The following VGLL4 variants were observed in gnomAD, a reference collection of about 807,000 sequenced individuals.
VGLL4 encodes the protein transcription cofactor vestigial-like protein 4.
A neutral mutation model predicts 21.0 loss-of-function variants in VGLL4; 7 were observed. The ratio of observed to expected loss-of-function variants is 0.33; its 90% CI spans 0.19 to 0.63. VGLL4 has a LOEUF of 0.63. VGLL4 is among the 20% of genes least tolerant of loss of function. VGLL4 has a pLI of 0.78. For missense variants in VGLL4, 394 were observed against 425.7 expected (o/e 0.93, Z 0.66); for synonymous variants, 222 against 173.2 (o/e 1.28, Z -2.21).
intron 1 of VGLL4, chr3:11,610,532 T>A (rs755591898): frequency 6.6e-6 from 1 of 152,128 alleles, no homozygotes. Flanking sequence ...CAGGCTCAGC[T>A]CTAATCGTGC....
chr3:11,656,482 G>A (rs2075960533), intron 2 of VGLL4, among the ~76,000 whole-genome samples: 1 of 152,210 alleles, frequency 6.6e-6, no homozygotes, highest in African/African-American at 2.4e-5. Context: ...GAGCACCTGA[G>A]CTGGGGATCT....
intron 2 of VGLL4, among the ~76,000 whole-genome samples, chr3:11,584,506 A>G (rs2074316451): frequency 6.6e-6 from 1 of 152,160 alleles, no homozygotes; most frequent in Non-Finnish European, 1.5e-5. Flanking sequence ...ATATAGAGTG[A>G]AGCTGGCAGA....
rs781468006 is a variant in VGLL4 at position 11,601,909 on chromosome 3, T to C, written c.196A>G (p.Met66Val). The change falls in exon 2 of 5, where the codon ATG (methionine) becomes GTG (valine). Residue 66 changes from methionine to valine, a missense_variant. Coordinates refer to ENST00000430365, the MANE Select transcript of VGLL4 (RefSeq NM_001128219.3). ...PISPSKRKFS[M>V]EPGDEDLDCD... ...TCTAGGTCCTCGTCACCTGGCTCCA[T>C]GCTGAACTTCCTCTTGCTGGGGCTG... The C allele has an allele frequency of 6.2e-7, 1 of 1,613,798 alleles. No individual in the cohort carries two copies. The highest frequency in any genetic ancestry group is 1.7e-5 in the Admixed American group (1 of 59,966).
chr3:11,663,583 T>A (rs1008127711), intron 2 of VGLL4, among the ~76,000 whole-genome samples: 56 of 152,222 alleles, frequency 3.7e-4, no homozygotes, highest in South Asian at 2.1e-4. Flanking sequence ...CCAGGCGTGG[T>A]GGTGGGCACC....
rs2076192681 is a variant in VGLL4 at position 11,670,540 on chromosome 3, A to G, written c.64+32431T>C. 5.3e-5 allele frequency among the ~76,000 whole-genome samples: 8 copies of G among 152,358 alleles called. No homozygotes were observed. The South Asian group carries it at 1.7e-3, about 32-fold the overall frequency. On this transcript the variant is annotated intron_variant, in intron 2 of 5. Transcript: ENST00000273038. Reference sequence around the variant, plus strand: ...AGTCACACACCATTAAACATTTTCAACATTCCTATCCTAAATATGCCTTCA... The same window carrying G: ...AGTCACACACCATTAAACATTTTCAGCATTCCTATCCTAAATATGCCTTCA...
At chr3:11,600,419 A>G (rs1392629461) in intron 2 of VGLL4, among the ~76,000 whole-genome samples, 1 of 151,910 alleles carries the variant, frequency 6.6e-6, no homozygotes, top group African/African-American at 2.4e-5. Flanking sequence ...GGAAAAGCAG[A>G]TGGGAAAGTA....
intron 2 of VGLL4, among the ~76,000 whole-genome samples, chr3:11,681,963 A>C (rs1256174769): frequency 3.3e-5 from 5 of 152,244 alleles, no homozygotes; most frequent in African/African-American, 9.6e-5. Context: ...ACAGTTAAAA[A>C]TGATACGGGA....
intron 2 of VGLL4, among the ~76,000 whole-genome samples, chr3:11,570,513 A>G (rs2073733727): frequency 6.6e-6 from 1 of 152,114 alleles, no homozygotes; most frequent in Non-Finnish European, 1.5e-5. Flanking sequence ...CCCACGCCCT[A>G]ATCTCCTTGG....
rs1225763662 is a variant in VGLL4, at chr3:11,624,514, C to T, written c.82+18923G>A. Among the ~76,000 whole-genome samples the T allele has an allele frequency of 5.3e-5, 8 of 152,096 alleles. No homozygotes were observed. The South Asian group carries it at 1.0e-3, about 20-fold the overall frequency. On this transcript the variant is annotated intron_variant, in intron 1 of 4. Coordinates refer to ENST00000430365, the MANE Select transcript of VGLL4 (RefSeq NM_001128219.3). The stretch of plus-strand genomic sequence containing the variant: ...GCTCACCTCTATTTTCAAATAATGA[C>T]GTCTTTCTCTAATTTTTTTTTTAAT...
In VGLL4 at chr3:11,601,943, A is replaced by G; in HGVS notation, c.162T>C (p.Pro54=). The G allele has an allele frequency of 6.2e-7, 1 of 1,612,968 alleles. No homozygotes were observed. The highest frequency in any genetic ancestry group is 8.5e-7 in the Non-Finnish European group (1 of 1,179,600). Residue 54 remains proline, a synonymous_variant, in exon 2 of 5, where the codon CCT becomes CCC. Transcript: ENST00000430365. ...ASALSSHRTG[P]PPISPSKRKF... is the part of the protein sequence containing the mutation. Reference sequence around the variant, plus strand: ...TCCTCTTGCTGGGGCTGATTGGGGGAGGGCCGGTGCGGTGACTGCTGAGGG... The same window carrying G: ...TCCTCTTGCTGGGGCTGATTGGGGGGGGGCCGGTGCGGTGACTGCTGAGGG...
rs1559850543 is a variant in VGLL4, at chr3:11,558,939, G to C, written c.620-112C>G. The C allele has an allele frequency of 3.0e-6, 4 of 1,318,462 alleles. No individual in the cohort carries two copies. In the South Asian group the frequency reaches 5.5e-5, roughly 18 times the overall value. 81.7% of individuals were successfully genotyped at this position (1,318,462 alleles called of 1,614,324 possible). ...AGAGCCGGACTGGCTGCCACGGTCA[G>C]CGTGGGCTCTGCAGACAGAACCCAC... On this transcript the variant is annotated intron_variant, in intron 4 of 4. Coordinates refer to ENST00000430365, the MANE Select transcript of VGLL4 (RefSeq NM_001128219.3).
intron 2 of VGLL4, among the ~76,000 whole-genome samples, chr3:11,665,141 T>TCTCGCTCTG (rs1168819975): frequency 8.0e-6 from 1 of 125,574 alleles, no homozygotes; most frequent in Non-Finnish European, 1.6e-5. Context: ...TGAGACGGAG[T>TCTCGCTCTG]CTCGCTCTGT....
At chr3:11,686,667 T>C (rs767607426) in intron 2 of VGLL4, among the ~76,000 whole-genome samples, 37 of 152,352 alleles carry the variant, frequency 2.4e-4, no homozygotes, top group Non-Finnish European at 5.3e-4. Context: ...ATGTTATGTG[T>C]ATTTCATCAC....
chr3:11,582,201 T>C (rs1376290502), intron 2 of VGLL4: 1 of 1,487,226 alleles, frequency 6.7e-7, no homozygotes, highest in Non-Finnish European at 9.2e-7. Context: ...CAGTTTAAAT[T>C]AATTACAGCT....
At chr3:11,635,350 G>A (rs1288840949) in intron 1 of VGLL4, among the ~76,000 whole-genome samples, 2 of 152,062 alleles carry the variant, frequency 1.3e-5, no homozygotes, top group Non-Finnish European at 2.9e-5. Context: ...GGAAGAGGAG[G>A]GTATCAGAAC....
intron 1 of VGLL4, among the ~76,000 whole-genome samples, chr3:11,612,350 T>C (rs772917622): frequency 2.0e-5 from 3 of 152,174 alleles, no homozygotes; most frequent in Non-Finnish European, 4.4e-5. Flanking sequence ...GCAACCTCCG[T>C]GGAATTGAGT....
chr3:11,709,489 T>C (rs1483799568), intron 1 of VGLL4, among the ~76,000 whole-genome samples: 6 of 150,652 alleles, frequency 4.0e-5, no homozygotes, highest in Admixed American at 3.3e-4. Context: ...TGTGCTCCAC[T>C]GCACTGCAAA....
In VGLL4 at chr3:11,558,171, T is replaced by C. The variant is rs879550655; in HGVS notation, c.*385A>G. 3.8e-6 allele frequency: 1 copy of C among 265,190 alleles called. No homozygotes were observed. Among genetic ancestry groups the C allele is most frequent in the Admixed American group, 4.9e-5 (1 of 20,566 alleles). The allele number at this position is 265,190 out of a possible 1,614,324, so 16.4% of individuals were successfully genotyped here. ...AAGCTGAGCCACACACACCCCGGTC[T>C]CAAGAAGCAAAGGAAAAAGCACAAA... On this transcript the variant is annotated 3_prime_UTR_variant, in exon 5 of 5. Transcript: ENST00000430365.
At chr3:11,594,360 A>G (rs150730973) in intron 2 of VGLL4, among the ~76,000 whole-genome samples, 26 of 152,368 alleles carry the variant, frequency 1.7e-4, no homozygotes, top group African/African-American at 5.8e-4. Flanking sequence ...ATAGACAGAT[A>G]GATGTAGAAA....
Sources: gnomAD v4.1 joint callset for allele counts (sites outside exome capture counted in the v4.1 genomes callset) on GRCh38, gnomAD v4.1.1 for gene constraint, MANE v1.5 for transcripts, NCBI Gene and HGNC (gene_info 2026-07-23, HGNC 2026-07-21) for gene names.